The following SORT1 variants were observed in gnomAD, a reference collection of about 807,000 sequenced individuals.
The protein encoded by SORT1 is sortilin 1.
SORT1 carries 39 observed loss-of-function variants against 101.7 expected under a neutral mutation model. The observed-to-expected ratio is 0.38, with a 90% CI of 0.30 to 0.50. The LOEUF is 0.50. Ranked by LOEUF, SORT1 falls within the 20% of genes least tolerant of loss-of-function variation. The probability of loss-of-function intolerance (pLI) is 0.90; values close to 1 mark genes in which losing one functional copy is unlikely to be tolerated. For synonymous variants in SORT1, 396 were observed against 393.7 expected, an observed-to-expected ratio of 1.01 and a Z score of -0.07; for missense variants, 878 against 1,040.4, an observed-to-expected ratio of 0.84 and a Z score of 2.15.
rs181582605 is a variant in SORT1, at chr1:109,315,313, G to A, written c.2251-535C>T. Among the ~76,000 whole-genome samples the A allele has an allele frequency of 6.6e-5, 10 of 152,198 alleles. No homozygotes were observed. In the East Asian group the frequency reaches 1.5e-3, roughly 23 times the overall value. On this transcript the variant is annotated intron_variant, in intron 17 of 19. Transcript: ENST00000256637. ...ATGTGACCTACCTGCTTCTGGGTGG[G>A]AAATAGGGAGTGTGTGTTTTCAATG...
intron 1 of SORT1, among the ~76,000 whole-genome samples, chr1:109,388,230 C>CCT (rs1652699978): frequency 1.3e-5 from 2 of 151,704 alleles, no homozygotes; most frequent in Admixed American, 1.3e-4. Context: ...ACTACCTACC[C>CCT]CTAATAAATT....
chr1:109,390,877 C>T (rs1399424405), intron 1 of SORT1, among the ~76,000 whole-genome samples: 1 of 151,268 alleles, frequency 6.6e-6, no homozygotes, highest in Non-Finnish European at 1.5e-5. Flanking sequence ...TATTCATAAG[C>T]CAGAGAAGGA....
At position 109,369,607 on chromosome 1, in the gene SORT1, A is replaced by T; in HGVS notation, c.307-18T>A. 1.3e-6 allele frequency: 2 copies of T among 1,553,936 alleles called. No individual in the cohort carries two copies. Among genetic ancestry groups the T allele is most frequent in the Middle Eastern group, 1.7e-4 (1 of 5,968 alleles). On this transcript the variant is annotated intron_variant, in intron 1 of 19. Transcript: ENST00000256637. ...AACACATGCTATAAGGGGAAAAAAA[A>T]TTAATTTAGAAATGACAGCCACTCT...
intron 1 of SORT1, among the ~76,000 whole-genome samples, chr1:109,375,351 AG>A (rs1651754928): frequency 6.6e-6 from 1 of 152,036 alleles, no homozygotes; most frequent in Non-Finnish European, 1.5e-5. Context: ...TCACGAGGTC[AG>A]GAGATCAAGA....
intron 10 of SORT1, among the ~76,000 whole-genome samples, chr1:109,339,364 T>C (rs1188178980): frequency 1.3e-5 from 2 of 152,188 alleles, no homozygotes; most frequent in Non-Finnish European, 2.9e-5. Flanking sequence ...ATCTACTATG[T>C]GCAAAAATTG....
In SORT1 at chr1:109,313,441, A is replaced by G. The variant is rs1570874663; in HGVS notation, c.*602T>C. The G allele has an allele frequency of 1.3e-5, 2 of 152,888 alleles. No individual in the cohort carries two copies. The highest frequency in any genetic ancestry group is 3.9e-4 in the East Asian group (2 of 5,190). 9.5% of individuals were successfully genotyped at this position (152,888 alleles called of 1,614,324 possible). A position where few individuals can be genotyped will look rare whatever the true frequency, so the allele number is the denominator to read the frequency against. ...CCTAATTAAACAAGGGAAAAGAAAA[A>G]TCACTGTGGTCTGTGGTCTCTGAAA... On this transcript the variant is annotated 3_prime_UTR_variant, in exon 20 of 20. Coordinates refer to ENST00000256637, the MANE Select transcript of SORT1 (RefSeq NM_002959.7).
chr1:109,354,668 T>C, intron 4 of SORT1, 137 bp from the exon 5 acceptor site: 1 of 661,194 alleles, frequency 1.5e-6, no homozygotes, highest in Non-Finnish European at 2.6e-6. Context: ...AACTGATTAG[T>C]TGTTCCACTC....
chr1:109,376,415 ACAAAT>A (rs999609496), intron 1 of SORT1, among the ~76,000 whole-genome samples: 4 of 152,100 alleles, frequency 2.6e-5, no homozygotes, highest in African/African-American at 9.7e-5. Context: ...CCAAAAGAAA[ACAAAT>A]CATTCTACCA....
chr1:109,370,780 C>T (rs1303952829), intron 1 of SORT1, among the ~76,000 whole-genome samples: 1 of 152,152 alleles, frequency 6.6e-6, no homozygotes, highest in African/African-American at 2.4e-5. Flanking sequence ...CTTGGTACTC[C>T]CTGTGCCTTC....
intron 5 of SORT1, among the ~76,000 whole-genome samples, chr1:109,351,965 G>GGGGTGTGT (rs932648162): frequency 2.1e-3 from 309 of 147,508 alleles, no homozygotes; most frequent in Admixed American, 2.9e-3. Context: ...GAGAGGTAGG[G>GGGGTGTGT]GTGTGTGTGT....
chr1:109,329,692 A>G (rs1648330308), intron 11 of SORT1, among the ~76,000 whole-genome samples: 1 of 152,256 alleles, frequency 6.6e-6, no homozygotes, highest in Non-Finnish European at 1.5e-5. Context: ...TGCACTCAAC[A>G]TTAGAGCACC....
At chr1:109,336,196 A>C in intron 11 of SORT1, 44 bp downstream of exon 11, 1 of 1,221,492 alleles carries the variant, frequency 8.2e-7, no homozygotes, top group Non-Finnish European at 1.2e-6. Context: ...ATCAGAGCAC[A>C]ATGGAAAGGC....
In SORT1 at chr1:109,313,915, G is replaced by C; in HGVS notation, c.*128C>G. The C allele has an allele frequency of 1.7e-6, 1 of 586,662 alleles. No homozygotes were observed. Among genetic ancestry groups the C allele is most frequent in the Non-Finnish European group, 2.9e-6 (1 of 350,676 alleles). 36.3% of individuals were successfully genotyped at this position (586,662 alleles called of 1,614,324 possible). The stretch of plus-strand genomic sequence containing the variant: ...CTTTAGTGTAGGTCCTTTTGGCTTT[G>C]ATGGAAGCAGCAGAAACAGAGCTGG... On this transcript the variant is annotated 3_prime_UTR_variant, in exon 20 of 20. Transcript: ENST00000256637.
At position 109,397,831 on chromosome 1, in the gene SORT1, A is replaced by T; in HGVS notation, c.62T>A (p.Leu21His). 1 of 1,300,966 alleles carries T rather than the reference A, an allele frequency of 7.7e-7. No individual in the cohort carries two copies. Among genetic ancestry groups the T allele is most frequent in the Non-Finnish European group, 9.9e-7 (1 of 1,014,044 alleles). 80.6% of individuals were successfully genotyped at this position (1,300,966 alleles called of 1,614,324 possible). ...CGGCGGCAGCAGCTGCAGGAGGAGG[A>T]GGAGGCCGAGGCCATGGGGCCAGCG... ...LSRWPHGLGLLLLLQLLPPST... is the reference protein window; with the variant it reads ...LSRWPHGLGLHLLLQLLPPST... The change falls in exon 1 of 20, where the codon CTC becomes CAC. Residue 21 changes from leucine (L) to histidine (H), a missense_variant. Around this residue, in one of 2 missense-constraint regions of SORT1, gnomAD observed 194 missense variants for 145.9 expected, o/e 1.33. Coordinates refer to ENST00000256637, the MANE Select transcript of SORT1 (RefSeq NM_002959.7).
At position 109,313,265 on chromosome 1, in the gene SORT1, C is replaced by G. The variant is rs993901277; in HGVS notation, c.*778G>C. On this transcript the variant is annotated 3_prime_UTR_variant, in exon 20 of 20. Transcript: ENST00000256637. ...AAAAATCTCAGAAGAAGCAAGAGTT[C>G]TCTTTTAATAGGTGCTATATCTAGT... 2 of 152,676 alleles carry G rather than the reference C, an allele frequency of 1.3e-5. No individual in the cohort carries two copies. Among genetic ancestry groups the G allele is most frequent in the Admixed American group, 6.5e-5 (1 of 15,284 alleles). 9.5% of individuals were successfully genotyped at this position (152,676 alleles called of 1,614,324 possible).
intron 10 of SORT1, among the ~76,000 whole-genome samples, chr1:109,339,163 C>T (rs1468959843): frequency 2.0e-5 from 3 of 152,174 alleles, no homozygotes; most frequent in Non-Finnish European, 4.4e-5. Context: ...AGGTGTGAGC[C>T]ACCGCGCCCA....
chr1:109,381,513 C>A (rs1652234336), intron 1 of SORT1, among the ~76,000 whole-genome samples: 1 of 151,996 alleles, frequency 6.6e-6, no homozygotes. Context: ...ATACTCAGAG[C>A]ATATTAGTAA....
At chr1:109,377,502 C>T (rs1403726415) in intron 1 of SORT1, among the ~76,000 whole-genome samples, 2 of 152,200 alleles carry the variant, frequency 1.3e-5, no homozygotes, top group African/African-American at 4.8e-5. Flanking sequence ...CTATGCTCTT[C>T]CAGCCAGCCA....
chr1:109,345,303 T>C (rs1480762798), intron 8 of SORT1, among the ~76,000 whole-genome samples: 1 of 151,896 alleles, frequency 6.6e-6, no homozygotes, highest in African/African-American at 2.4e-5. Context: ...TCACCTGAGC[T>C]CAGGAGTTCA....
Sources: allele counts gnomAD v4.1 joint callset (sites outside exome capture counted in the v4.1 genomes callset), GRCh38; gene constraint gnomAD v4.1.1; regional missense constraint gnomAD v4.1.1; transcripts MANE v1.5; gene names NCBI Gene and HGNC (gene_info 2026-07-23, HGNC 2026-07-21).